PSMG2: variants seen among roughly 807,000 people sequenced by gnomAD.
The protein encoded by PSMG2 is CD40 ligand-activated specific transcript 3.
In PSMG2, 21 loss-of-function variants were observed where a neutral mutation model predicts 31.5. The ratio of observed to expected loss-of-function variants is 0.67; its 90% CI spans 0.47 to 0.96. The LOEUF (loss-of-function observed/expected upper bound fraction) is 0.96, where lower values mean the gene tolerates loss of function less well. Ranked by LOEUF, PSMG2 falls within the 40% of genes least tolerant of loss-of-function variation. The probability of loss-of-function intolerance (pLI) is 0.00; values close to 1 mark genes in which losing one functional copy is unlikely to be tolerated. For missense variants in PSMG2, 318 were observed against 321.2 expected (o/e 0.99, Z 0.08); for synonymous variants, 120 against 110.4 (o/e 1.09, Z -0.54).
At chr18:12,714,752 C>G (rs2040362408) in intron 3 of PSMG2, among the ~76,000 whole-genome samples, 1 of 152,112 alleles carries the variant, frequency 6.6e-6, no homozygotes, top group South Asian at 2.1e-4. Context: ...TTCAGCTTCC[C>G]CAAAGTGCAA....
chr18:12,711,142 T>G (rs186939199), intron 2 of PSMG2, among the ~76,000 whole-genome samples: 1 of 152,066 alleles, frequency 6.6e-6, no homozygotes, highest in East Asian at 1.9e-4. Context: ...CGTGGTGGTG[T>G]GCTCCTGTAA....
intron 1 of PSMG2, among the ~76,000 whole-genome samples, chr18:12,683,578 C>G (rs1426692115): frequency 6.6e-6 from 1 of 151,632 alleles, no homozygotes; most frequent in Non-Finnish European, 1.5e-5. Flanking sequence ...CAGTGAAACC[C>G]CATCTCTACT....
chr18:12,707,140 G>A (rs1385200595), intron 2 of PSMG2, among the ~76,000 whole-genome samples: 1 of 152,010 alleles, frequency 6.6e-6, no homozygotes, highest in Admixed American at 6.6e-5. Context: ...TATTTTTTTA[G>A]TAGAGACGGG....
chr18:12,718,648 C>T lies in PSMG2; in HGVS notation c.407+13C>T, dbSNP rs12965549. 0.11 allele frequency: 176,806 copies of T among 1,558,364 alleles called. 11,336 individuals carry two copies. Among genetic ancestry groups the T allele is most frequent in the Non-Finnish European group, 0.13 (145,908 of 1,143,348 alleles). ...TGCAGCTTCGTAGGTATGTTTCTGC[C>T]TCTGGAAAGTTATTTTTGGTATGGT... On this transcript the variant is annotated intron_variant, in intron 4 of 6. Transcript: ENST00000317615.
chr18:12,699,787 T>C, upstream of PSMG2: 1 of 1,127,500 alleles, frequency 8.9e-7, no homozygotes, highest in South Asian at 1.5e-5. Flanking sequence ...CACATCAATA[T>C]TTACTATTAA....
chr18:12,681,467 C>G (rs1598628170), intron 1 of PSMG2, among the ~76,000 whole-genome samples: 3 of 152,050 alleles, frequency 2.0e-5, no homozygotes, highest in Middle Eastern at 6.8e-3. Flanking sequence ...CCAGGCTGCT[C>G]TTGAACTCCT....
intron 1 of PSMG2, among the ~76,000 whole-genome samples, chr18:12,676,003 A>G (rs1384323601): frequency 2.6e-5 from 4 of 152,118 alleles, no homozygotes; most frequent in African/African-American, 9.7e-5. Flanking sequence ...AGACCTATTG[A>G]TATCTGGACA....
At chr18:12,715,668 G>T (rs1311260902) in intron 3 of PSMG2, among the ~76,000 whole-genome samples, 5 of 151,930 alleles carry the variant, frequency 3.3e-5, no homozygotes, top group Non-Finnish European at 5.9e-5. Context: ...ACCACGCCTG[G>T]CTACTTTTTG....
chr18:12,664,449 C>G (rs992565355), intron 1 of PSMG2, among the ~76,000 whole-genome samples: 3 of 151,854 alleles, frequency 2.0e-5, no homozygotes, highest in African/African-American at 7.3e-5. Flanking sequence ...ACTCAGGAGG[C>G]TGAGGCAGGA....
At chr18:12,665,491 CTG>C (rs1375802103) in intron 1 of PSMG2, among the ~76,000 whole-genome samples, 9 of 152,294 alleles carry the variant, frequency 5.9e-5, no homozygotes, top group African/African-American at 2.2e-4. Flanking sequence ...TGATGGAACA[CTG>C]TGTCTTTCCC....
chr18:12,682,539 A>G lies in PSMG2; in HGVS notation c.-37+23766A>G, dbSNP rs571408437. 2.6e-5 allele frequency among the ~76,000 whole-genome samples: 4 copies of G among 152,176 alleles called. No individual in the cohort carries two copies. In the South Asian group the frequency reaches 8.3e-4, roughly 32 times the overall value. On this transcript the variant is annotated intron_variant, in intron 1 of 6. Coordinates refer to the PSMG2 transcript ENST00000585331. Reference sequence around the variant, plus strand: ...GGATTTGGTGGTGCTAAAGTTTTTTAAAAAAAATTAACTGTAAGAAAACAA... The same window carrying G: ...GGATTTGGTGGTGCTAAAGTTTTTTGAAAAAAATTAACTGTAAGAAAACAA...
chr18:12,680,117 T>C (rs2039293319), intron 1 of PSMG2, among the ~76,000 whole-genome samples: 2 of 151,904 alleles, frequency 1.3e-5, no homozygotes, highest in African/African-American at 4.8e-5. Flanking sequence ...TAAACATAAT[T>C]TACTGTTTAC....
At chr18:12,674,485 G>A in intron 1 of PSMG2, 1 of 1,294,082 alleles carries the variant, frequency 7.7e-7, no homozygotes, top group Non-Finnish European at 1.1e-6. Context: ...CTGCCGGACT[G>A]ATCTGTAAGA....
intron 1 of PSMG2, among the ~76,000 whole-genome samples, chr18:12,660,211 GACA>G (rs1027846416): frequency 6.6e-6 from 1 of 151,970 alleles, no homozygotes; most frequent in African/African-American, 2.4e-5. Flanking sequence ...AAATCTTGAA[GACA>G]ACAATACAGG....
intron 3 of PSMG2, among the ~76,000 whole-genome samples, chr18:12,713,943 G>A (rs531664462): frequency 6.6e-6 from 1 of 152,152 alleles, no homozygotes; most frequent in East Asian, 1.9e-4. Flanking sequence ...TAGAGACGGG[G>A]TTTTGCCATG....
intron 1 of PSMG2, chr18:12,691,279 A>T (rs542307328): frequency 6.7e-6 from 6 of 897,922 alleles, no homozygotes; most frequent in Non-Finnish European, 9.7e-6. Flanking sequence ...CATTTTACAA[A>T]TAAATATTAA....
chr18:12,677,267 C>G (rs2039169219), intron 1 of PSMG2, among the ~76,000 whole-genome samples: 1 of 151,790 alleles, frequency 6.6e-6, no homozygotes, highest in Non-Finnish European at 1.5e-5. Flanking sequence ...TGGTGAAACC[C>G]TATCTCTACA....
intron 1 of PSMG2, chr18:12,662,245 A>G (rs942477588): frequency 2.3e-6 from 1 of 436,350 alleles, no homozygotes; most frequent in Non-Finnish European, 4.5e-6. Flanking sequence ...TTCATTGCCC[A>G]CAATTGTAAT....
intron 1 of PSMG2, among the ~76,000 whole-genome samples, chr18:12,683,480 A>G (rs1223883894): frequency 6.6e-6 from 1 of 151,754 alleles, no homozygotes; most frequent in Non-Finnish European, 1.5e-5. Context: ...AACTTAAAAC[A>G]CTCATTAAAA....
Sources: allele counts gnomAD v4.1 joint callset (sites outside exome capture counted in the v4.1 genomes callset), GRCh38; gene constraint gnomAD v4.1.1; transcripts MANE v1.5; gene names NCBI Gene and HGNC (gene_info 2026-07-23, HGNC 2026-07-21).